Variants in MDGA2 observed in about 807,000 individuals in gnomAD.
MDGA2 encodes the protein MAM domain-containing glycosylphosphatidylinositol anchor protein 2.
MDGA2 carries 40 observed loss-of-function variants against 117.8 expected under a neutral mutation model. The ratio of observed to expected loss-of-function variants is 0.34; its 90% CI spans 0.26 to 0.44. MDGA2 has a LOEUF of 0.44. Among genes scored for constraint, MDGA2 ranks in the 20% least tolerant of loss-of-function variants. The pLI is 1.00. For synonymous variants in MDGA2, 452 were observed against 439.0 expected, an observed-to-expected ratio of 1.03 and a Z score of -0.37; for missense variants, 1,123 against 1,250.6, an observed-to-expected ratio of 0.90 and a Z score of 1.54.
chr14:47,434,027 A>G (rs181322594), intron 1 of MDGA2, among the ~76,000 whole-genome samples: 1 of 152,276 alleles, frequency 6.6e-6, no homozygotes, highest in African/African-American at 2.4e-5. Flanking sequence ...AAGAGAATAT[A>G]TCTCTTAAAA....
intron 3 of MDGA2, among the ~76,000 whole-genome samples, chr14:47,204,279 G>A (rs1276144442): frequency 6.6e-6 from 1 of 151,876 alleles, no homozygotes; most frequent in African/African-American, 2.4e-5. Context: ...GACTTACCAT[G>A]GAGAGAAAAT....
chr14:46,948,899 ACTTT>A (rs1180658564), intron 9 of MDGA2, among the ~76,000 whole-genome samples: 11 of 151,924 alleles, frequency 7.2e-5, no homozygotes, highest in Admixed American at 7.2e-4. Flanking sequence ...TTGATTACTT[ACTTT>A]ATCTCTGACA....
intron 1 of MDGA2, among the ~76,000 whole-genome samples, chr14:47,446,405 C>T (rs1197871626): frequency 2.6e-5 from 4 of 152,122 alleles, no homozygotes; most frequent in Non-Finnish European, 5.9e-5. Flanking sequence ...GGTTTCATTA[C>T]AGCTCATAAA....
At chr14:46,863,443 C>T (rs1566496398) in intron 14 of MDGA2, among the ~76,000 whole-genome samples, 1 of 152,114 alleles carries the variant, frequency 6.6e-6, no homozygotes, top group Non-Finnish European at 1.5e-5. Flanking sequence ...ACAGCCTGTG[C>T]AATTCATCCT....
chr14:46,936,060 T>A (rs1884768963), intron 9 of MDGA2, among the ~76,000 whole-genome samples: 1 of 152,192 alleles, frequency 6.6e-6, no homozygotes, highest in African/African-American at 2.4e-5. Flanking sequence ...AATACAGTCA[T>A]ACATATATAA....
chr14:47,669,258 A>G (rs895669180), intron 1 of MDGA2, among the ~76,000 whole-genome samples: 20 of 152,330 alleles, frequency 1.3e-4, no homozygotes, highest in African/African-American at 4.3e-4. Flanking sequence ...GCATAACCAG[A>G]GATAATAAGA....
At chr14:47,282,984 G>T (rs1274843000) in intron 2 of MDGA2, among the ~76,000 whole-genome samples, 1 of 152,120 alleles carries the variant, frequency 6.6e-6, no homozygotes, top group African/African-American at 2.4e-5. Context: ...TTTTTAAATG[G>T]AAAGGCAGTG....
At chr14:47,138,047 GAC>G (rs1210144157) in intron 4 of MDGA2, among the ~76,000 whole-genome samples, 14 of 152,240 alleles carry the variant, frequency 9.2e-5, no homozygotes, top group African/African-American at 3.4e-4. Flanking sequence ...CTTAATTCAT[GAC>G]AGTCAGCATA....
At chr14:47,188,438 G>T (rs1260613543) in intron 3 of MDGA2, among the ~76,000 whole-genome samples, 1 of 152,146 alleles carries the variant, frequency 6.6e-6, no homozygotes, top group Non-Finnish European at 1.5e-5. Flanking sequence ...AGCAGTTGAA[G>T]CCCACCAACA....
intron 8 of MDGA2, among the ~76,000 whole-genome samples, chr14:46,962,924 T>C (rs2138285668): frequency 6.6e-6 from 1 of 152,266 alleles, no homozygotes; most frequent in East Asian, 1.9e-4. Context: ...ATCTAGAGTG[T>C]TGTGTTACAA....
chr14:47,231,917 A>C (rs1016993378), intron 2 of MDGA2, among the ~76,000 whole-genome samples: 43 of 152,190 alleles, frequency 2.8e-4, no homozygotes, highest in African/African-American at 9.1e-4. Context: ...GTAGCAAATT[A>C]GATATTTTGA....
At chr14:47,538,609 C>T (rs1437312330) in intron 1 of MDGA2, among the ~76,000 whole-genome samples, 1 of 152,182 alleles carries the variant, frequency 6.6e-6, no homozygotes, top group Non-Finnish European at 1.5e-5. Context: ...CTCTCCCTAT[C>T]AGATGTACTT....
At chr14:47,464,838 T>C (rs993386376) in intron 1 of MDGA2, among the ~76,000 whole-genome samples, 3 of 151,922 alleles carry the variant, frequency 2.0e-5, no homozygotes, top group African/African-American at 7.3e-5. Context: ...TTAAAACTCA[T>C]ACTGAACGAA....
chr14:47,133,678 C>G (rs1882317214), intron 4 of MDGA2, among the ~76,000 whole-genome samples: 1 of 152,000 alleles, frequency 6.6e-6, no homozygotes, highest in Admixed American at 6.6e-5. Context: ...TCAGACACAT[C>G]TGAACTCAAC....
chr14:47,548,770 T>C (rs1244364604), intron 1 of MDGA2, among the ~76,000 whole-genome samples: 1 of 152,138 alleles, frequency 6.6e-6, no homozygotes, highest in African/African-American at 2.4e-5. Flanking sequence ...AGCGTGCACA[T>C]GCCTGCGGCC....
chr14:47,078,869 C>A (rs1350073636), intron 6 of MDGA2, among the ~76,000 whole-genome samples: 11 of 152,078 alleles, frequency 7.2e-5, no homozygotes, highest in African/African-American at 1.2e-4. Context: ...ACTTGCCATG[C>A]TGAAGAGACC....
intron 9 of MDGA2, among the ~76,000 whole-genome samples, chr14:46,922,265 G>T (rs1884161763): frequency 6.6e-6 from 1 of 152,056 alleles, no homozygotes; most frequent in East Asian, 1.9e-4. Context: ...AATATGGAAT[G>T]GCCTACCTCA....
intron 5 of MDGA2, among the ~76,000 whole-genome samples, chr14:47,116,304 G>A (rs2416025): frequency 6.6e-6 from 1 of 151,954 alleles, no homozygotes; most frequent in Non-Finnish European, 1.5e-5. Context: ...TTATGGATTG[G>A]AAGACTTAAT....
intron 6 of MDGA2, among the ~76,000 whole-genome samples, chr14:47,080,365 T>C (rs1357586596): frequency 6.6e-6 from 1 of 152,202 alleles, no homozygotes; most frequent in Non-Finnish European, 1.5e-5. Context: ...GGAAAGGTTT[T>C]ACTTCAGTGA....
Sources: allele counts gnomAD v4.1 joint callset (sites outside exome capture counted in the v4.1 genomes callset), GRCh38; gene constraint gnomAD v4.1.1; transcripts MANE v1.5; gene names NCBI Gene and HGNC (gene_info 2026-07-23, HGNC 2026-07-21).